The following TUBG2 variants were observed in gnomAD, a reference collection of about 807,000 sequenced individuals.
TUBG2 encodes tubulin gamma-2 chain.
A neutral mutation model predicts 55.1 loss-of-function variants in TUBG2; 39 were observed. That is an observed-to-expected ratio of 0.71 (90% CI 0.55 to 0.93). TUBG2 has a LOEUF of 0.93. TUBG2 is among the 40% of genes least tolerant of loss of function. TUBG2 has a pLI of 0.00. For missense variants in TUBG2, 358 were observed against 599.1 expected (o/e 0.60, Z 4.20); for synonymous variants, 223 against 241.0 (o/e 0.93, Z 0.69).
intron 6 of TUBG2, 124 bp from the exon 7 acceptor site, chr17:42,665,351 TA>T: frequency 7.4e-7 from 1 of 1,353,196 alleles, no homozygotes; most frequent in Non-Finnish European, 9.8e-7. Context: ...CCGGCCTCAG[TA>T]CTTTTTTTTT....
intron 8 of TUBG2, 26 bp from the exon 9 acceptor site, chr17:42,666,061 G>A (rs370062487): frequency 2.4e-5 from 39 of 1,613,710 alleles, no homozygotes; most frequent in African/African-American, 5.3e-5. Context: ...AGCGCTGGCC[G>A]GGTCCCTGTC....
At chr17:42,665,371 A>G (rs1012598127) in intron 6 of TUBG2, 105 bp from the exon 7 acceptor site, 4 of 1,573,556 alleles carry the variant, frequency 2.5e-6, no homozygotes, top group Non-Finnish European at 3.5e-6. Context: ...TTTTAAACTA[A>G]CAAACCTACT....
At chr17:42,662,861 A>C in intron 4 of TUBG2, 112 bp from the exon 5 acceptor site, 1 of 990,300 alleles carries the variant, frequency 1.0e-6, no homozygotes, top group Middle Eastern at 2.2e-4. Flanking sequence ...TCTACTGTAG[A>C]ATTGACTGCT....
At position 42,665,958 on chromosome 17, in the gene TUBG2, G is replaced by A. The variant is rs534721054; in HGVS notation, c.844-129G>A. The A allele has an allele frequency of 4.2e-4, 663 of 1,587,592 alleles. 6 individuals are homozygous for A. The Middle Eastern group carries it at 5.8e-3, about 14-fold the overall frequency. ...CCCCAAGGCACTGCGCTCAGGGACT[G>A]GCACAGAGCGGGCGACTTTCTTGCT... On this transcript the variant is annotated intron_variant, in intron 8 of 10. Coordinates refer to ENST00000251412, the MANE Select transcript of TUBG2 (RefSeq NM_016437.3).
chr17:42,666,531 C>T (rs2052550681), intron 10 of TUBG2, 47 bp downstream of exon 10: 1 of 1,613,476 alleles, frequency 6.2e-7, no homozygotes, highest in Non-Finnish European at 8.5e-7. Flanking sequence ...TTCCACTGGC[C>T]ACCTTCATCA....
At chr17:42,659,779 G>C in intron 1 of TUBG2, 55 bp from the exon 2 acceptor site, 1 of 1,602,070 alleles carries the variant, frequency 6.2e-7, no homozygotes, top group Non-Finnish European at 8.5e-7. Context: ...GACTAAAACT[G>C]GGCTCCTCAG....
chr17:42,666,851 C>T lies in TUBG2; in HGVS notation c.*51C>T. ...TTCTAGATGGTAACCACAGCCTCGA[C>T]CATGCCTGCTCCCTCTGACCCAGCT... On this transcript the variant is annotated 3_prime_UTR_variant, in exon 11 of 11. Transcript: ENST00000251412. The T allele has an allele frequency of 6.3e-7, 1 of 1,598,396 alleles. No individual in the cohort carries two copies. The highest frequency in any genetic ancestry group is 8.6e-7 in the Non-Finnish European group (1 of 1,167,674).
intron 8 of TUBG2, 64 bp from the exon 9 acceptor site, chr17:42,666,023 A>G: frequency 1.2e-6 from 2 of 1,609,136 alleles, no homozygotes; most frequent in Non-Finnish European, 1.7e-6. Flanking sequence ...GGCTTCTGCC[A>G]AAGAGAAGCC....
chr17:42,663,404 T>C lies in TUBG2; in HGVS notation c.507T>C (p.Tyr169=), dbSNP rs147506590. Residue 169 remains tyrosine, a synonymous_variant, in exon 6 of 11, where the codon TAT becomes TAC. Coordinates refer to ENST00000251412, the MANE Select transcript of TUBG2 (RefSeq NM_016437.3). ...ACCCCAAGAAGCTAGTGCAGACTTA[T>C]TCAGTGTTTCCCTACCAGGACGAGA... ...DRYPKKLVQT[Y]SVFPYQDEMS... is the part of the protein sequence containing the mutation. The C allele has an allele frequency of 3.2e-5, 51 of 1,614,024 alleles. 1 individual carries two copies. The Admixed American group carries it at 3.8e-4, about 12-fold the overall frequency.
intron 6 of TUBG2, 95 bp downstream of exon 6, chr17:42,663,598 A>G (rs1180391617): frequency 4.7e-6 from 7 of 1,494,892 alleles, no homozygotes; most frequent in Admixed American, 1.9e-5. Context: ...GCTTGAGCTC[A>G]GGAGTTCAAT....
chr17:42,663,147 T>C, intron 5 of TUBG2, 95 bp downstream of exon 5: 4 of 1,416,112 alleles, frequency 2.8e-6, no homozygotes, highest in Non-Finnish European at 2.9e-6. Flanking sequence ...CACTACCCCT[T>C]TTGAGTCATA....
rs1229292443 is a variant in TUBG2, at chr17:42,665,555, A to C, written c.686A>C (p.Asn229Thr). 1 of 1,613,958 alleles carries C rather than the reference A, an allele frequency of 6.2e-7. No individual in the cohort carries two copies. The highest frequency in any genetic ancestry group is 2.2e-5 in the East Asian group (1 of 44,874). The change falls in exon 7 of 11, where the codon AAC (asparagine) becomes ACC (threonine). Residue 229 changes from asparagine (N) to threonine (T), a missense_variant. Asn to Thr is a moderately conservative substitution (Grantham distance 65). Around this residue, in one of 8 missense-constraint regions of TUBG2, gnomAD observed 52 missense variants for 53.8 expected, o/e 0.97. Coordinates refer to ENST00000251412, the MANE Select transcript of TUBG2 (RefSeq NM_016437.3). ...HIQNPSFSQI[N>T]QLVSTIMSAS... Reference sequence around the variant, plus strand: ...CAGAACCCGTCCTTCTCCCAGATCAACCAGCTGGTGGGCCCCCACTCCCGG... The same window carrying C: ...CAGAACCCGTCCTTCTCCCAGATCACCCAGCTGGTGGGCCCCCACTCCCGG...
Position 42,666,926 on chromosome 17 carries a change from C to G in TUBG2, c.*126C>G. ...GTTCATCTCCAGCCCGTGAGCTGGT[C>G]CTGCTTCCTCCCTTCCATGCCCTAA... On this transcript the variant is annotated 3_prime_UTR_variant, in exon 11 of 11. Transcript: ENST00000251412. 1 of 912,894 alleles carries G rather than the reference C, an allele frequency of 1.1e-6. No homozygotes were observed. Among genetic ancestry groups the G allele is most frequent in the African/African-American group, 1.7e-5 (1 of 60,176 alleles). 56.5% of individuals were successfully genotyped at this position (912,894 alleles called of 1,614,324 possible). A position where few individuals can be genotyped will look rare whatever the true frequency, so the allele number is the denominator to read the frequency against.
chr17:42,663,790 A>G (rs916942683), intron 6 of TUBG2, among the ~76,000 whole-genome samples: 1 of 152,002 alleles, frequency 6.6e-6, no homozygotes, highest in African/African-American at 2.4e-5. Context: ...CTAAAAAAAC[A>G]AAATTAGCCA....
chr17:42,663,607 A>G (rs1054611106), intron 6 of TUBG2, 104 bp downstream of exon 6: 14 of 1,426,156 alleles, frequency 9.8e-6, no homozygotes, highest in African/African-American at 5.7e-5. Flanking sequence ...CAGGAGTTCA[A>G]TACTAGCCTG....
Position 42,666,474 on chromosome 17 carries a change from G to A in TUBG2, c.1148G>A (p.Ser383Asn). The change falls in exon 10 of 11, where the codon AGC becomes AAC. Residue 383 changes from serine (S) to asparagine (N), a missense_variant. Ser to Asn is a conservative substitution (Grantham distance 46). Coordinates refer to ENST00000251412, the MANE Select transcript of TUBG2 (RefSeq NM_016437.3). Reference protein sequence around the residue: ...VSGLMMANHTSISSLFESSCQ... With the variant: ...VSGLMMANHTNISSLFESSCQ... ...GGGCTCATGATGGCCAACCACACCA[G>A]CATCTCCTCGGTGAGTCTAGGTTTC... The A allele has an allele frequency of 6.2e-7, 1 of 1,614,122 alleles. No homozygotes were observed. Among genetic ancestry groups the A allele is most frequent in the Non-Finnish European group, 8.5e-7 (1 of 1,179,978 alleles).
chr17:42,663,081 A>C (rs1388550517), intron 5 of TUBG2, 29 bp downstream of exon 5: 6 of 1,607,004 alleles, frequency 3.7e-6, no homozygotes, highest in African/African-American at 2.7e-5. Context: ...AGAGGGCATT[A>C]ACCCTGGTTC....
chr17:42,665,507 T>C lies in TUBG2; in HGVS notation c.638T>C (p.Ile213Thr). ...CTGGACAACACAGCCCTGAACCGGA[T>C]TGCCACAGACCGCCTGCACATCCAG... ...VVLDNTALNR[I>T]ATDRLHIQNP... Residue 213 changes from isoleucine (I) to threonine (T), a missense_variant, in exon 7 of 11, where the codon ATT becomes ACT. By Grantham distance (89) the Ile-to-Thr change is moderately conservative (BLOSUM62 -1). This residue lies in a region of TUBG2 where 52 missense variants were observed against 53.8 expected (regional missense o/e 0.97). Transcript: ENST00000251412. 1.2e-6 allele frequency: 2 copies of C among 1,614,130 alleles called. No individual in the cohort carries two copies. Among genetic ancestry groups the C allele is most frequent in the Non-Finnish European group, 8.5e-7 (1 of 1,180,008 alleles).
rs757705625 is a variant in TUBG2, at chr17:42,666,776, T to C, written c.1332T>C (p.Ile444=). The change falls in exon 11 of 11, where the codon ATT becomes ATC. Residue 444 remains isoleucine (I), a synonymous_variant. Coordinates refer to ENST00000251412, the MANE Select transcript of TUBG2 (RefSeq NM_016437.3). ...EYHAATQPDY[I]SWGTQEQ ...ATGCGGCCACCCAGCCAGACTACAT[T>C]TCCTGGGGCACCCAGGAGCAGTGAT... 4.9e-5 allele frequency: 79 copies of C among 1,613,928 alleles called. No individual in the cohort carries two copies. Among genetic ancestry groups the C allele is most frequent in the Non-Finnish European group, 6.5e-5 (77 of 1,179,970 alleles).
Sources: allele counts gnomAD v4.1 joint callset (sites outside exome capture counted in the v4.1 genomes callset), GRCh38; gene constraint gnomAD v4.1.1; regional missense constraint gnomAD v4.1.1; transcripts MANE v1.5; gene names NCBI Gene and HGNC (gene_info 2026-07-23, HGNC 2026-07-21).